The following SKAP1 variants were observed in gnomAD, a reference collection of about 807,000 sequenced individuals.
The protein encoded by SKAP1 is src kinase associated phosphoprotein 1.
Under a neutral mutation model 58.5 loss-of-function variants are expected in SKAP1, and 44 were observed. That is an observed-to-expected ratio of 0.75 (90% CI 0.59 to 0.97). The LOEUF is 0.97. SKAP1 is among the 50% of genes least tolerant of loss of function. The probability of loss-of-function intolerance (pLI) is 0.00; values close to 1 mark genes in which losing one functional copy is unlikely to be tolerated. For synonymous variants in SKAP1, 127 were observed against 149.7 expected, an observed-to-expected ratio of 0.85 and a Z score of 1.11; for missense variants, 390 against 435.2, an observed-to-expected ratio of 0.90 and a Z score of 0.92.
At chr17:48,285,642 A>G (rs1277130063) in intron 4 of SKAP1, among the ~76,000 whole-genome samples, 4 of 150,600 alleles carry the variant, frequency 2.7e-5, no homozygotes, top group Non-Finnish European at 5.9e-5. Flanking sequence ...GGGAGCCCCT[A>G]TGTCAATATT....
chr17:48,233,539 T>A (rs2065146773), intron 4 of SKAP1, among the ~76,000 whole-genome samples: 4 of 149,554 alleles, frequency 2.7e-5, no homozygotes, highest in Admixed American at 2.6e-4. Flanking sequence ...TTTACTGTAC[T>A]AATTGTATAA....
At chr17:48,395,148 A>G (rs2067399871) in intron 2 of SKAP1, among the ~76,000 whole-genome samples, 1 of 152,208 alleles carries the variant, frequency 6.6e-6, no homozygotes, top group African/African-American at 2.4e-5. Flanking sequence ...GTGTGTGTTC[A>G]TGCATGTGTG....
intron 4 of SKAP1, among the ~76,000 whole-genome samples, chr17:48,241,436 T>TC (rs1461863496): frequency 6.6e-6 from 1 of 152,150 alleles, no homozygotes; most frequent in Non-Finnish European, 1.5e-5. Context: ...ACAGCAGGCT[T>TC]CAAGCTCAAT....
chr17:48,205,670 G>A (rs949803270), intron 4 of SKAP1, among the ~76,000 whole-genome samples: 1 of 152,044 alleles, frequency 6.6e-6, no homozygotes, highest in Non-Finnish European at 1.5e-5. Flanking sequence ...TCAGGGGGGA[G>A]AAACAAGTCA....
At chr17:48,433,394 G>A (rs1183179999), upstream of SKAP1, among the ~76,000 whole-genome samples, 1 of 152,126 alleles carries the variant, frequency 6.6e-6, no homozygotes, top group Non-Finnish European at 1.5e-5. Context: ...CTGTGTGGCT[G>A]GGTACTATGT....
rs375632550 is a variant in SKAP1 at position 48,267,982 on chromosome 17, C to T, written c.280+77923G>A. On this transcript the variant is annotated intron_variant, in intron 4 of 12. Coordinates refer to ENST00000336915, the MANE Select transcript of SKAP1 (RefSeq NM_003726.4). ...GATGAGAAAAGCTAAAATCAGAGAA[C>T]TTAAATGACTTCTCTGAGATCATAA... 3.4e-4 allele frequency among the ~76,000 whole-genome samples: 51 copies of T among 152,226 alleles called. 1 individual carries two copies. In the East Asian group the frequency reaches 7.9e-3, roughly 24 times the overall value.
Position 48,257,867 on chromosome 17 carries a change from C to A in SKAP1, c.281-68367G>T, listed in dbSNP as rs747312348. 1.2e-4 allele frequency among the ~76,000 whole-genome samples: 18 copies of A among 152,034 alleles called. No individual in the cohort carries two copies. The East Asian group carries it at 3.3e-3, about 28-fold the overall frequency. On this transcript the variant is annotated intron_variant, in intron 4 of 12. Coordinates refer to ENST00000336915, the MANE Select transcript of SKAP1 (RefSeq NM_003726.4). ...GTAGAAGAGAAGCTGATAGTTGGAG[C>A]CTCTGAAGCTGTTCATATATCTCCT...
At chr17:48,440,874 T>C in the SKAP1 span, among the ~76,000 whole-genome samples, 1 of 152,262 alleles carries the variant, frequency 6.6e-6, no homozygotes, top group East Asian at 1.9e-4. Context: ...GACTAGAGTT[T>C]TGCACTAAAC....
chr17:48,367,914 CA>C (rs66499523), intron 2 of SKAP1, among the ~76,000 whole-genome samples: 62,468 of 132,824 alleles, frequency 0.47, 13,742 homozygotes, highest in African/African-American at 0.58. Flanking sequence ...GATCCTGTCT[CA>C]AAAAAAAAAA....
At chr17:48,136,552 T>C (rs1371334978) in intron 12 of SKAP1, 2 of 152,356 alleles carry the variant, frequency 1.3e-5, no homozygotes, top group Non-Finnish European at 2.9e-5. Context: ...GTCTTGGCCT[T>C]GAGGTAACCT....
chr17:48,157,168 G>A (rs989632696), intron 11 of SKAP1, among the ~76,000 whole-genome samples: 1 of 151,902 alleles, frequency 6.6e-6, no homozygotes, highest in Non-Finnish European at 1.5e-5. Flanking sequence ...TAACCCGTCT[G>A]TTACAGGCAC....
At chr17:48,286,965 G>A (rs374047703) in intron 4 of SKAP1, among the ~76,000 whole-genome samples, 176 of 152,176 alleles carry the variant, frequency 1.2e-3, no homozygotes, top group African/African-American at 4.1e-3. Flanking sequence ...GCTTGCTGGC[G>A]CACGCCTGTA....
intron 11 of SKAP1, among the ~76,000 whole-genome samples, chr17:48,140,605 A>C (rs1412307967): frequency 6.6e-6 from 1 of 152,080 alleles, no homozygotes; most frequent in African/African-American, 2.4e-5. Context: ...AGTATGTCCT[A>C]AATTTAACAT....
At chr17:48,260,376 G>A (rs2065471178) in intron 4 of SKAP1, among the ~76,000 whole-genome samples, 1 of 152,120 alleles carries the variant, frequency 6.6e-6, no homozygotes. Context: ...AAAAAATTGT[G>A]TACAAGAGGC....
intron 2 of SKAP1, among the ~76,000 whole-genome samples, chr17:48,389,710 A>G (rs2067322823): frequency 6.6e-6 from 1 of 152,220 alleles, no homozygotes; most frequent in African/African-American, 2.4e-5. Context: ...GGGAGACTAG[A>G]GGAGGCTACA....
At chr17:48,299,712 G>T (rs888206898) in intron 4 of SKAP1, among the ~76,000 whole-genome samples, 1 of 152,164 alleles carries the variant, frequency 6.6e-6, no homozygotes, top group Non-Finnish European at 1.5e-5. Flanking sequence ...TACAATGCAG[G>T]TAAATGGTGG....
chr17:48,136,746 C>T (rs1319338527), intron 12 of SKAP1, among the ~76,000 whole-genome samples: 1 of 147,288 alleles, frequency 6.8e-6, no homozygotes, highest in Non-Finnish European at 1.5e-5. Flanking sequence ...GTGATCTCGG[C>T]TCACTGCAAC....
intron 10 of SKAP1, among the ~76,000 whole-genome samples, chr17:48,167,321 G>C (rs1176465615): frequency 6.6e-6 from 1 of 152,084 alleles, no homozygotes; most frequent in African/African-American, 2.4e-5. Context: ...TGATCTTAGT[G>C]GTATAAGTAT....
At chr17:48,430,245 C>T (rs2067901814), upstream of SKAP1, 3 of 441,444 alleles carry the variant, frequency 6.8e-6, no homozygotes, top group Non-Finnish European at 9.5e-6. Flanking sequence ...CCGCCCAGCC[C>T]GGCCGCGGGG....
Sources: allele counts gnomAD v4.1 joint callset (sites outside exome capture counted in the v4.1 genomes callset), GRCh38; gene constraint gnomAD v4.1.1; transcripts MANE v1.5; gene names NCBI Gene and HGNC (gene_info 2026-07-23, HGNC 2026-07-21).